The following ZNF609 variants were observed in gnomAD, a reference collection of about 807,000 sequenced individuals.
ZNF609 encodes the protein zinc finger protein 609.
ZNF609 carries 11 observed loss-of-function variants against 109.5 expected under a neutral mutation model. The observed-to-expected ratio is 0.10, with a 90% CI of 0.06 to 0.17. The LOEUF (loss-of-function observed/expected upper bound fraction) is 0.17, where lower values mean the gene tolerates loss of function less well. ZNF609 is among the 10% of genes least tolerant of loss of function. The probability of loss-of-function intolerance (pLI) is 1.00; values close to 1 mark genes in which losing one functional copy is unlikely to be tolerated. For synonymous variants in ZNF609, 646 were observed against 662.0 expected (o/e 0.98, Z 0.37); for missense variants, 1,559 against 1,772.4 (o/e 0.88, Z 2.16).
intron 2 of ZNF609, among the ~76,000 whole-genome samples, chr15:64,583,768 A>G (rs1029939697): frequency 2.0e-5 from 3 of 152,074 alleles, no homozygotes; most frequent in African/African-American, 7.2e-5. Flanking sequence ...TGCCTTGGGT[A>G]GTGGAGATGA....
chr15:64,518,686 A>G (rs1280919456), intron 2 of ZNF609, among the ~76,000 whole-genome samples: 2 of 152,152 alleles, frequency 1.3e-5, no homozygotes, highest in African/African-American at 4.8e-5. Context: ...TATTAATAGG[A>G]AAGGAGCAAA....
intron 2 of ZNF609, among the ~76,000 whole-genome samples, chr15:64,579,327 G>T (rs1017574502): frequency 6.6e-6 from 1 of 150,518 alleles, no homozygotes; most frequent in Non-Finnish European, 1.5e-5. Context: ...GGGAGGATGA[G>T]TTGAGCCCAG....
intron 2 of ZNF609, among the ~76,000 whole-genome samples, chr15:64,541,573 G>GCT (rs1220611258): frequency 2.0e-5 from 3 of 151,906 alleles, no homozygotes; most frequent in Non-Finnish European, 4.4e-5. Flanking sequence ...GGGTGCCGTG[G>GCT]CTCATGCCTG....
At chr15:64,592,842 G>A in intron 2 of ZNF609, 1 of 549,096 alleles carries the variant, frequency 1.8e-6, no homozygotes, top group Admixed American at 3.1e-5. Flanking sequence ...GAATCTAGGA[G>A]GCAAAAGTTG....
intron 2 of ZNF609, among the ~76,000 whole-genome samples, chr15:64,594,686 G>T (rs1488779133): frequency 6.6e-6 from 1 of 151,862 alleles, no homozygotes; most frequent in African/African-American, 2.4e-5. Context: ...TCCAGAAGCT[G>T]GTCCAATCAG....
chr15:64,677,656 T>C (rs1326446432), intron 5 of ZNF609, among the ~76,000 whole-genome samples: 2 of 152,252 alleles, frequency 1.3e-5, no homozygotes, highest in Non-Finnish European at 2.9e-5. Flanking sequence ...GCTCTGCTCA[T>C]GAGACTTAGA....
intron 2 of ZNF609, among the ~76,000 whole-genome samples, chr15:64,506,127 A>C (rs1682267529): frequency 6.6e-6 from 1 of 152,050 alleles, no homozygotes; most frequent in Non-Finnish European, 1.5e-5. Context: ...AAATGAGAGA[A>C]ATAGCACCTA....
chr15:64,550,418 G>A (rs1031349437), intron 2 of ZNF609, among the ~76,000 whole-genome samples: 1 of 152,054 alleles, frequency 6.6e-6, no homozygotes, highest in Non-Finnish European at 1.5e-5. Context: ...TGCAGGCCAG[G>A]TATGGTGGCT....
At chr15:64,655,293 A>G (rs1299569469) in intron 3 of ZNF609, among the ~76,000 whole-genome samples, 1 of 149,726 alleles carries the variant, frequency 6.7e-6, no homozygotes, top group Non-Finnish European at 1.5e-5. Context: ...AAAATACAAA[A>G]TTAGCCGGCA....
intron 1 of ZNF609, among the ~76,000 whole-genome samples, chr15:64,473,191 CTTTTTTTTT>C (rs951319279): frequency 2.1e-4 from 16 of 76,072 alleles, no homozygotes; most frequent in Admixed American, 1.9e-3. Flanking sequence ...ATATTTGGTT[CTTTTTTTTT>C]TTTTTTTTTT....
chr15:64,489,590 C>T (rs1159480873), intron 1 of ZNF609, among the ~76,000 whole-genome samples: 1 of 145,330 alleles, frequency 6.9e-6, no homozygotes, highest in Non-Finnish European at 1.5e-5. Flanking sequence ...AGTGCAGAGG[C>T]GTGATCTCAG....
intron 2 of ZNF609, among the ~76,000 whole-genome samples, chr15:64,555,454 A>G (rs1894564506): frequency 6.6e-6 from 1 of 152,030 alleles, no homozygotes; most frequent in African/African-American, 2.4e-5. Context: ...ACTTGAGGCC[A>G]GGAGTTCGAG....
rs572603728 is a variant in ZNF609, at chr15:64,553,225, A to C, written c.747+53059A>C. Among the ~76,000 whole-genome samples the C allele has an allele frequency of 1.9e-4, 29 of 151,884 alleles. 1 individual carries two copies. In the South Asian group the frequency reaches 5.8e-3, roughly 30 times the overall value. ...TCTTTCAAAGTTATTTGGCTGTTAT[A>C]GATTATTTGTCATAAACATTTTAGA... is the stretch of plus-strand genomic sequence containing the variant. On this transcript the variant is annotated intron_variant, in intron 2 of 9. Transcript: ENST00000326648.
intron 2 of ZNF609, among the ~76,000 whole-genome samples, chr15:64,543,946 C>G (rs529247197): frequency 8.5e-5 from 13 of 152,248 alleles, no homozygotes; most frequent in Admixed American, 2.0e-4. Flanking sequence ...TTAGGCTACA[C>G]GTTACTTAGC....
intron 1 of ZNF609, among the ~76,000 whole-genome samples, chr15:64,477,063 T>C (rs918675340): frequency 6.6e-6 from 1 of 152,100 alleles, no homozygotes; most frequent in Non-Finnish European, 1.5e-5. Context: ...AGTTTTCTTA[T>C]GTCTAGATGC....
intron 1 of ZNF609, among the ~76,000 whole-genome samples, chr15:64,489,246 C>T (rs1490818548): frequency 6.6e-6 from 1 of 151,340 alleles, no homozygotes; most frequent in African/African-American, 2.4e-5. Context: ...AGTGCAGTGG[C>T]GCGATCTTGG....
chr15:64,592,080 A>G (rs1443065010), intron 2 of ZNF609, among the ~76,000 whole-genome samples: 2 of 151,622 alleles, frequency 1.3e-5, no homozygotes, highest in East Asian at 1.9e-4. Context: ...TCACTGGATC[A>G]CTGGAGCTCT....
intron 3 of ZNF609, among the ~76,000 whole-genome samples, chr15:64,627,186 C>T (rs561340863): frequency 7.3e-5 from 11 of 149,790 alleles, no homozygotes; most frequent in South Asian, 2.1e-4. Flanking sequence ...AGTGAGACTC[C>T]GTCTCAAAAA....
rs1026145333 is a variant in ZNF609 at position 64,482,543 on chromosome 15, C to G, written c.-127-16750C>G. 3.3e-5 allele frequency among the ~76,000 whole-genome samples: 5 copies of G among 152,222 alleles called. No homozygotes were observed. In the South Asian group the frequency reaches 1.0e-3, roughly 32 times the overall value. On this transcript the variant is annotated intron_variant, in intron 1 of 9. Coordinates refer to ENST00000326648, the MANE Select transcript of ZNF609 (RefSeq NM_015042.2). ...GTGGCATGGTTACTATACTAAGGAA[C>G]TGGTGTAGATTTCAGATGTGGTTCT...
Sources: allele counts gnomAD v4.1 joint callset (sites outside exome capture counted in the v4.1 genomes callset), GRCh38; gene constraint gnomAD v4.1.1; transcripts MANE v1.5; gene names NCBI Gene and HGNC (gene_info 2026-07-23, HGNC 2026-07-21).